The following ALG8 variants were observed in gnomAD, a reference collection of about 807,000 sequenced individuals.
ALG8 encodes the protein ALG8 alpha-1,3-glucosyltransferase, also known as dolichyl pyrophosphate Glc1Man9GlcNAc2 alpha-1,3-glucosyltransferase.
Under a neutral mutation model 70.2 loss-of-function variants are expected in ALG8, and 48 were observed. The ratio of observed to expected loss-of-function variants is 0.68; its 90% CI spans 0.54 to 0.87. ALG8 has a LOEUF of 0.87. Ranked by LOEUF, ALG8 falls within the 40% of genes least tolerant of loss-of-function variation. The probability of loss-of-function intolerance (pLI) is 0.00; values close to 1 mark genes in which losing one functional copy is unlikely to be tolerated. For missense variants in ALG8, 572 were observed against 608.7 expected, an observed-to-expected ratio of 0.94 and a Z score of 0.64; for synonymous variants, 234 against 229.0, an observed-to-expected ratio of 1.02 and a Z score of -0.20.
intron 1 of ALG8, among the ~76,000 whole-genome samples, chr11:78,128,308 G>A (rs922373948): frequency 1.3e-5 from 2 of 152,110 alleles, no homozygotes; most frequent in Non-Finnish European, 2.9e-5. Context: ...CTGACGCATG[G>A]ACAAGCTCAA....
chr11:78,121,716 G>C (rs557928805), intron 3 of ALG8, among the ~76,000 whole-genome samples: 1 of 152,152 alleles, frequency 6.6e-6, no homozygotes, highest in Admixed American at 6.6e-5. Flanking sequence ...AAAACTGAGA[G>C]AGCATACATT....
At chr11:78,121,599 C>T (rs1038405354) in intron 3 of ALG8, among the ~76,000 whole-genome samples, 3 of 151,456 alleles carry the variant, frequency 2.0e-5, no homozygotes, top group African/African-American at 7.3e-5. Flanking sequence ...ACAAGGACCT[C>T]GGGGCCTGTT....
At position 78,114,279 on chromosome 11, in the gene ALG8, A is replaced by G. The variant is rs1590816796; in HGVS notation, c.660T>C (p.Thr220=). ...ACCAAAACTTGCCTGGTTTATTTGC[A>G]GTGAAACAGTAGGATCGCAGCAGAT... The part of the protein sequence containing the change: ...GVYLLRSYCF[T]ANKPDGSIRW... The change falls in exon 6 of 13, where the codon ACT becomes ACC. Residue 220 remains threonine (T), a synonymous_variant. Transcript: ENST00000299626. 6.2e-7 allele frequency: 1 copy of G among 1,614,186 alleles called. No homozygotes were observed. Among genetic ancestry groups the G allele is most frequent in the Admixed American group, 1.7e-5 (1 of 60,028 alleles).
At chr11:78,124,241 T>A (rs775642372) in intron 2 of ALG8, 27 bp from the exon 3 acceptor site, 1 of 1,601,640 alleles carries the variant, frequency 6.2e-7, no homozygotes, top group South Asian at 1.1e-5. Context: ...AGATCAGACA[T>A]ATCCTAAATA....
At chr11:78,101,327 A>G in intron 12 of ALG8, 132 bp from the exon 13 acceptor site, 1 of 798,756 alleles carries the variant, frequency 1.3e-6, no homozygotes, top group Admixed American at 2.4e-5. Context: ...AGTCAAGAGT[A>G]TATTAAATTT....
At chr11:78,128,383 C>T (rs1199045358) in intron 1 of ALG8, among the ~76,000 whole-genome samples, 1 of 152,194 alleles carries the variant, frequency 6.6e-6, no homozygotes, top group Non-Finnish European at 1.5e-5. Flanking sequence ...GCCCAATTTA[C>T]CCTTTCCAAC....
At chr11:78,106,686 G>T in intron 10 of ALG8, 121 bp downstream of exon 10, 1 of 1,320,522 alleles carries the variant, frequency 7.6e-7, no homozygotes, top group Non-Finnish European at 1.1e-6. Context: ...GTGGACATCT[G>T]TTCCTATACA....
At chr11:78,112,888 G>A in intron 7 of ALG8, 118 bp from the exon 8 acceptor site, 1 of 1,257,172 alleles carries the variant, frequency 8.0e-7, no homozygotes, top group Non-Finnish European at 1.1e-6. Context: ...CTGGGTTCTA[G>A]TAAGTAAGTG....
intron 1 of ALG8, among the ~76,000 whole-genome samples, chr11:78,135,010 C>G (rs192344634): frequency 6.6e-6 from 1 of 152,326 alleles, no homozygotes; most frequent in Admixed American, 6.5e-5. Flanking sequence ...GAATCACTAT[C>G]TATGGCAGAT....
At chr11:78,108,048 G>A (rs1156342226) in intron 9 of ALG8, among the ~76,000 whole-genome samples, 1 of 151,794 alleles carries the variant, frequency 6.6e-6, no homozygotes, top group African/African-American at 2.4e-5. Context: ...GGGAGGCCGA[G>A]GTGGGCGGAT....
Position 78,127,341 on chromosome 11 carries a change from T to C in ALG8, c.174+17A>G. ...TAGATGAATCTTAAAAAAAAAAAGG[T>C]GAAAATTAAAACTTACCTCATAATA... On this transcript the variant is annotated intron_variant, in intron 2 of 12. Transcript: ENST00000299626. 3 of 1,575,422 alleles carry C rather than the reference T, an allele frequency of 1.9e-6. No homozygotes were observed. Among genetic ancestry groups the C allele is most frequent in the South Asian group, 1.2e-5 (1 of 85,580 alleles).
intron 3 of ALG8, among the ~76,000 whole-genome samples, chr11:78,123,800 T>C (rs1860937051): frequency 6.6e-6 from 1 of 152,212 alleles, no homozygotes; most frequent in African/African-American, 2.4e-5. Flanking sequence ...AATCTCTTGT[T>C]CTACCTCTGC....
At chr11:78,138,588 A>G in intron 1 of ALG8, 1 of 397,086 alleles carries the variant, frequency 2.5e-6, no homozygotes, top group Non-Finnish European at 5.0e-6. Flanking sequence ...AAGGATACCA[A>G]TAAAACAAAC....
In ALG8 at chr11:78,124,074, G is replaced by A; in HGVS notation, c.315C>T (p.Phe105=). ...CCATAAAGATGACGGAAAATCTCTG[G>A]AAAAGTAAGGTCCTTGAGCTGGAGT... is the stretch of plus-strand genomic sequence containing the variant. ...LNYSSSRTLL[F]QRFSVIFMDV... Residue 105 remains phenylalanine (F), a synonymous_variant, in exon 3 of 13, where the codon TTC becomes TTT. Transcript: ENST00000299626. 1 of 1,614,080 alleles carries A rather than the reference G, an allele frequency of 6.2e-7. No homozygotes were observed. Among genetic ancestry groups the A allele is most frequent in the East Asian group, 2.2e-5 (1 of 44,874 alleles).
At chr11:78,117,272 G>A (rs1440509360) in intron 5 of ALG8, among the ~76,000 whole-genome samples, 3 of 152,142 alleles carry the variant, frequency 2.0e-5, no homozygotes. Flanking sequence ...AAATTCCTTA[G>A]AGAGTCTTAA....
intron 6 of ALG8, 88 bp from the exon 7 acceptor site, chr11:78,114,077 C>A: frequency 1.4e-6 from 2 of 1,388,488 alleles, no homozygotes; most frequent in Admixed American, 3.9e-5. Context: ...TAGAAGTATC[C>A]CACAATAGTA....
chr11:78,114,083 T>G (rs780673624), intron 6 of ALG8, 94 bp from the exon 7 acceptor site: 14 of 1,368,828 alleles, frequency 1.0e-5, no homozygotes, highest in African/African-American at 1.4e-5. Context: ...TATCCCACAA[T>G]AGTATACCAA....
At chr11:78,104,977 A>T (rs1009642009) in intron 10 of ALG8, among the ~76,000 whole-genome samples, 76 of 152,136 alleles carry the variant, frequency 5.0e-4, no homozygotes, top group African/African-American at 1.7e-3. Flanking sequence ...AAAAAAAAAA[A>T]AAGAATCTTG....
intron 1 of ALG8, among the ~76,000 whole-genome samples, chr11:78,133,008 T>C (rs1474820022): frequency 6.6e-6 from 1 of 152,028 alleles, no homozygotes; most frequent in Non-Finnish European, 1.5e-5. Flanking sequence ...GGCTAATTTT[T>C]GTATTTTCAG....
Sources: gnomAD v4.1 joint callset for allele counts (sites outside exome capture counted in the v4.1 genomes callset) on GRCh38, gnomAD v4.1.1 for gene constraint, MANE v1.5 for transcripts, NCBI Gene and HGNC (gene_info 2026-07-23, HGNC 2026-07-21) for gene names.